The following DOCK9 variants were observed in gnomAD, a reference collection of about 807,000 sequenced individuals.
DOCK9 encodes dedicator of cytokinesis protein 9.
In DOCK9, 89 loss-of-function variants were observed where a neutral mutation model predicts 263.3. That is an observed-to-expected ratio of 0.34 (90% confidence interval 0.28 to 0.40). The LOEUF (loss-of-function observed/expected upper bound fraction) is 0.40, where lower values mean the gene tolerates loss of function less well. DOCK9 is among the 10% of genes least tolerant of loss of function. The pLI is 1.00. For missense variants in DOCK9, 2,140 were observed against 2,603.4 expected (o/e 0.82, Z 3.87); for synonymous variants, 976 against 973.1 (o/e 1.00, Z -0.06).
At chr13:98,921,263 C>A (rs1273119162) in intron 6 of DOCK9, among the ~76,000 whole-genome samples, 175 bp from the exon 7 acceptor site, 2 of 152,216 alleles carry the variant, frequency 1.3e-5, no homozygotes, top group African/African-American at 2.4e-5. Context: ...AAGCTCACTG[C>A]ATCTCAGTTC....
At chr13:98,929,394 T>C (rs1195161226) in intron 3 of DOCK9, among the ~76,000 whole-genome samples, 1 of 151,866 alleles carries the variant, frequency 6.6e-6, no homozygotes, top group Non-Finnish European at 1.5e-5. Flanking sequence ...AATACAAAGG[T>C]TAGCCAGGCG....
At chr13:99,015,629 G>GT (rs753379244) in intron 1 of DOCK9, 3 of 1,577,590 alleles carry the variant, frequency 1.9e-6, no homozygotes, top group South Asian at 1.1e-5. Flanking sequence ...TGGATGTTCA[G>GT]TTTTTTAGCA....
rs138645312 is a variant in DOCK9 at position 99,020,503 on chromosome 13, C to T, written c.130-64952G>A. 1.8e-3 allele frequency among the ~76,000 whole-genome samples: 268 copies of T among 152,262 alleles called. 3 individuals are homozygous for T. The highest frequency in any genetic ancestry group is 6.0e-3 in the African/African-American group (249 of 41,542). On this transcript the variant is annotated intron_variant, in intron 1 of 32. Coordinates refer to the DOCK9 transcript ENST00000427887. The stretch of plus-strand genomic sequence containing the variant: ...ACTTGGTGGTCATAACAAACCTCAG[C>T]CATGCAGCCTGAGACCATAGCTAAC...
chr13:98,954,508 C>G (rs894890637), intron 2 of DOCK9, among the ~76,000 whole-genome samples: 1 of 152,222 alleles, frequency 6.6e-6, no homozygotes. Flanking sequence ...GTCTCTTAAC[C>G]ACAGGCCATA....
At chr13:98,837,683 T>C in intron 38 of DOCK9, 74 bp from the exon 39 acceptor site, 1 of 931,238 alleles carries the variant, frequency 1.1e-6, no homozygotes, top group Non-Finnish European at 1.5e-6. Context: ...GTAGGCACAG[T>C]CAACTTTTGA....
intron 1 of DOCK9, among the ~76,000 whole-genome samples, chr13:99,055,105 T>C (rs1217430741): frequency 6.6e-6 from 1 of 152,234 alleles, no homozygotes. Flanking sequence ...CCCATTACTC[T>C]ACTACTATGG....
chr13:99,080,212 A>G (rs571191156), intron 1 of DOCK9, among the ~76,000 whole-genome samples: 3 of 152,284 alleles, frequency 2.0e-5, no homozygotes, highest in African/African-American at 7.2e-5. Context: ...CATTTACTGA[A>G]TGGTAACTCA....
chr13:99,045,167 A>G (rs541228321), intron 1 of DOCK9, among the ~76,000 whole-genome samples: 11 of 152,350 alleles, frequency 7.2e-5, no homozygotes, highest in Admixed American at 2.0e-4. Context: ...TACTTGCCCA[A>G]AGAAAATGAA....
chr13:98,923,457 C>G (rs1421088637), intron 4 of DOCK9, 86 bp from the exon 5 acceptor site: 2 of 1,098,742 alleles, frequency 1.8e-6, no homozygotes, highest in South Asian at 1.3e-5. Context: ...TAGGGCCCGG[C>G]CTTTACTAAA....
At chr13:99,036,839 A>G (rs1393896120) in intron 1 of DOCK9, among the ~76,000 whole-genome samples, 3 of 152,156 alleles carry the variant, frequency 2.0e-5, no homozygotes, top group Non-Finnish European at 2.9e-5. Flanking sequence ...TGCCCGGCCA[A>G]TGGGATTTTT....
At chr13:98,883,278 T>A in intron 22 of DOCK9, 147 bp from the exon 23 acceptor site, 2 of 768,230 alleles carry the variant, frequency 2.6e-6, no homozygotes, top group Non-Finnish European at 4.1e-6. Context: ...GACAGAGTCT[T>A]GCTCTGTCGC....
At chr13:98,849,342 G>A (rs1267143115) in intron 36 of DOCK9, among the ~76,000 whole-genome samples, 2 of 151,782 alleles carry the variant, frequency 1.3e-5, no homozygotes, top group Non-Finnish European at 2.9e-5. Flanking sequence ...AATACATTTG[G>A]CACCAAAATA....
upstream of DOCK9, among the ~76,000 whole-genome samples, chr13:98,978,498 G>A (rs1453846481): frequency 7.2e-5 from 11 of 152,320 alleles, no homozygotes; most frequent in South Asian, 1.9e-3. Context: ...GATACAGGTG[G>A]AGGAAATGAG....
At chr13:98,886,752 G>C (rs1169877161) in intron 18 of DOCK9, 128 bp from the exon 19 acceptor site, 2 of 836,852 alleles carry the variant, frequency 2.4e-6, no homozygotes, top group Non-Finnish European at 3.7e-6. Flanking sequence ...ATGGGCCCCA[G>C]GCCTGTGAGC....
intron 1 of DOCK9, among the ~76,000 whole-genome samples, chr13:99,052,873 T>G (rs117428937): frequency 4.6e-5 from 7 of 152,098 alleles, no homozygotes; most frequent in Non-Finnish European, 8.8e-5. Flanking sequence ...GTTTTTTATA[T>G]GTTTTGGATA....
upstream of DOCK9, among the ~76,000 whole-genome samples, chr13:98,981,501 A>G (rs1009305758): frequency 6.6e-6 from 1 of 152,212 alleles, no homozygotes; most frequent in African/African-American, 2.4e-5. Flanking sequence ...CCCATCTCAG[A>G]GCAATATACT....
intron 1 of DOCK9, among the ~76,000 whole-genome samples, chr13:99,005,762 G>C (rs966101309): frequency 2.3e-4 from 35 of 152,148 alleles, no homozygotes; most frequent in African/African-American, 8.4e-4. Context: ...GACTTTATCA[G>C]CTGACTTAAA....
chr13:99,021,316 A>G (rs569271119), intron 1 of DOCK9, among the ~76,000 whole-genome samples: 5 of 152,340 alleles, frequency 3.3e-5, no homozygotes. Flanking sequence ...AAATTCAAAC[A>G]ACAAATTTTA....
Position 98,885,770 on chromosome 13 carries a change from T to C in DOCK9, c.2198A>G (p.His733Arg). Reference protein sequence around the residue: ...EKHHLLLTFFHVSCDNSSKGS... With the variant: ...EKHHLLLTFFRVSCDNSSKGS... Reference sequence around the variant, plus strand: ...TTTACTTGAGTTGTCACAGCTGACATGGAAGAATGTGAGCAACAGGTGGTG... The same window carrying C: ...TTTACTTGAGTTGTCACAGCTGACACGGAAGAATGTGAGCAACAGGTGGTG... Residue 733 changes from histidine to arginine, a missense_variant, in exon 20 of 53, where the codon CAT becomes CGT. Physicochemically the swap from His to Arg is conservative, Grantham distance 29. This residue lies in a region of DOCK9 where 1,521 missense variants were observed against 1,741.7 expected (regional missense o/e 0.87). Coordinates refer to ENST00000682017, the MANE Select transcript of DOCK9 (RefSeq NM_001366683.2). The C allele has an allele frequency of 6.2e-7, 1 of 1,612,982 alleles. No individual in the cohort carries two copies. The highest frequency in any genetic ancestry group is 8.5e-7 in the Non-Finnish European group (1 of 1,179,678).
Sources: gnomAD v4.1 joint callset for allele counts (sites outside exome capture counted in the v4.1 genomes callset) on GRCh38, gnomAD v4.1.1 for gene constraint, gnomAD v4.1.1 regional missense constraint, MANE v1.5 for transcripts, NCBI Gene and HGNC (gene_info 2026-07-23, HGNC 2026-07-21) for gene names.